The following TENM3 variants were observed in gnomAD, a reference collection of about 807,000 sequenced individuals.
The protein encoded by TENM3 is teneurin-3.
TENM3 carries 63 observed loss-of-function variants against 255.1 expected under a neutral mutation model. That is an observed-to-expected ratio of 0.25 (90% CI 0.20 to 0.30). The LOEUF (loss-of-function observed/expected upper bound fraction) is 0.30, where lower values mean the gene tolerates loss of function less well. Ranked by LOEUF, TENM3 falls within the 10% of genes least tolerant of loss-of-function variation. TENM3 has a pLI of 1.00. For synonymous variants in TENM3, 1,306 were observed against 1,322.3 expected (o/e 0.99, Z 0.27); for missense variants, 2,929 against 3,461.1 (o/e 0.85, Z 3.86).
chr4:181,827,099 G>A, the TENM3 span, among the ~76,000 whole-genome samples: 3 of 152,124 alleles, frequency 2.0e-5, no homozygotes, highest in Non-Finnish European at 4.4e-5. Flanking sequence ...CTTCCAAGGG[G>A]CAGAATTCAA....
intron 4 of TENM3, among the ~76,000 whole-genome samples, chr4:182,606,910 A>G (rs1748494102): frequency 6.6e-6 from 1 of 152,236 alleles, no homozygotes. Context: ...AACCTGGTGG[A>G]TATAGTAGGG....
chr4:182,506,262 T>C (rs1736807563), intron 3 of TENM3, among the ~76,000 whole-genome samples: 1 of 152,220 alleles, frequency 6.6e-6, no homozygotes, highest in Admixed American at 6.5e-5. Flanking sequence ...AGACGCTTGC[T>C]ACTTTTGAAA....
intron 1 of TENM3, among the ~76,000 whole-genome samples, chr4:182,254,599 A>G (rs1457545578): frequency 1.3e-5 from 2 of 152,178 alleles, no homozygotes; most frequent in Non-Finnish European, 2.9e-5. Flanking sequence ...ATTTAGGTAA[A>G]TGTTACACTG....
the TENM3 span, among the ~76,000 whole-genome samples, chr4:181,644,729 C>T: frequency 1.3e-5 from 2 of 151,774 alleles, no homozygotes; most frequent in Non-Finnish European, 2.9e-5. Flanking sequence ...ATGCTTATTA[C>T]CCAGATTCTC....
the TENM3 span, among the ~76,000 whole-genome samples, chr4:182,071,508 C>T: frequency 6.0e-5 from 9 of 149,330 alleles, no homozygotes; most frequent in South Asian, 2.1e-4. Context: ...TGCAGTGGCG[C>T]GATCTCGGCT....
chr4:182,498,716 G>A (rs543268988), intron 3 of TENM3, among the ~76,000 whole-genome samples: 35 of 152,222 alleles, frequency 2.3e-4, no homozygotes, highest in African/African-American at 7.2e-4. Flanking sequence ...TTAGCCGGGC[G>A]TGGTGGCGTG....
chr4:182,784,094 T>G (rs1273456833), intron 24 of TENM3, among the ~76,000 whole-genome samples: 1 of 152,252 alleles, frequency 6.6e-6, no homozygotes, highest in Non-Finnish European at 1.5e-5. Flanking sequence ...CTGTTGCTGG[T>G]GAGGAACTGC....
chr4:182,609,267 A>C (rs566273992), intron 4 of TENM3, among the ~76,000 whole-genome samples: 1 of 152,330 alleles, frequency 6.6e-6, no homozygotes, highest in South Asian at 2.1e-4. Flanking sequence ...CCTTAATTTT[A>C]AAACTGTGTT....
chr4:182,611,939 G>A (rs973161048), intron 4 of TENM3, among the ~76,000 whole-genome samples: 6 of 151,904 alleles, frequency 3.9e-5, no homozygotes, highest in African/African-American at 1.5e-4. Context: ...TGGGTATTTT[G>A]CTGTGAGATA....
At chr4:181,609,982 A>G in the TENM3 span, among the ~76,000 whole-genome samples, 17 of 152,212 alleles carry the variant, frequency 1.1e-4, no homozygotes, top group Admixed American at 9.8e-4. Context: ...TATCATTTAG[A>G]AAGTGTTTTA....
the TENM3 span, among the ~76,000 whole-genome samples, chr4:181,697,598 T>C: frequency 6.6e-6 from 1 of 152,034 alleles, no homozygotes; most frequent in Non-Finnish European, 1.5e-5. Context: ...TTCACCATGT[T>C]AGACAGGATG....
At chr4:181,617,698 T>A in the TENM3 span, among the ~76,000 whole-genome samples, 4 of 152,204 alleles carry the variant, frequency 2.6e-5, no homozygotes, top group Admixed American at 2.6e-4. Flanking sequence ...GGACTACGAC[T>A]AGAAATATGG....
At chr4:182,149,649 T>G (rs1438570154) in intron 1 of TENM3, among the ~76,000 whole-genome samples, 2 of 152,062 alleles carry the variant, frequency 1.3e-5, no homozygotes, top group Non-Finnish European at 2.9e-5. Context: ...CACTGACTTT[T>G]CAAACAAGTT....
chr4:182,571,842 T>TGAAA, intron 3 of TENM3, among the ~76,000 whole-genome samples: 1 of 152,274 alleles, frequency 6.6e-6, no homozygotes, highest in South Asian at 2.1e-4. Flanking sequence ...TAAATTGTTG[T>TGAAA]GAAACAAAAA....
the TENM3 span, among the ~76,000 whole-genome samples, chr4:181,647,818 A>G: frequency 2.6e-5 from 4 of 152,130 alleles, no homozygotes; most frequent in African/African-American, 9.7e-5. Flanking sequence ...GCTCAGGGAA[A>G]CCGAACGGCA....
At chr4:182,689,444 A>C (rs1208215414) in intron 12 of TENM3, among the ~76,000 whole-genome samples, 1 of 152,188 alleles carries the variant, frequency 6.6e-6, no homozygotes, top group Non-Finnish European at 1.5e-5. Flanking sequence ...ACTTCATGTA[A>C]GTTTTTTTCT....
At chr4:181,951,314 C>G in the TENM3 span, among the ~76,000 whole-genome samples, 1 of 152,110 alleles carries the variant, frequency 6.6e-6, no homozygotes, top group Non-Finnish European at 1.5e-5. Context: ...AACCCTGGAC[C>G]TGTCTCAAAA....
chr4:182,537,603 C>T (rs771063095), intron 3 of TENM3, among the ~76,000 whole-genome samples: 4 of 152,178 alleles, frequency 2.6e-5, no homozygotes, highest in Non-Finnish European at 5.9e-5. Flanking sequence ...AGAATGCTCT[C>T]CTTCCTTCTC....
the TENM3 span, among the ~76,000 whole-genome samples, chr4:181,486,958 A>C: frequency 1.3e-5 from 2 of 152,182 alleles, no homozygotes; most frequent in Admixed American, 1.3e-4. Flanking sequence ...TTTGTGAGTA[A>C]AAATTTAAAT....
Sources: allele counts gnomAD v4.1 joint callset (sites outside exome capture counted in the v4.1 genomes callset), GRCh38; gene constraint gnomAD v4.1.1; transcripts MANE v1.5; gene names NCBI Gene and HGNC (gene_info 2026-07-23, HGNC 2026-07-21).